SGCD: variants seen among roughly 807,000 people sequenced by gnomAD.
The protein encoded by SGCD is sarcoglycan delta.
Under a neutral mutation model 36.6 loss-of-function variants are expected in SGCD, and 18 were observed. The ratio of observed to expected loss-of-function variants is 0.49; its 90% confidence interval spans 0.34 to 0.73. The LOEUF is 0.73. Among genes scored for constraint, SGCD ranks in the 30% least tolerant of loss-of-function variants. SGCD has a pLI of 0.01. For synonymous variants in SGCD, 133 were observed against 130.6 expected, an observed-to-expected ratio of 1.02 and a Z score of -0.12; for missense variants, 387 against 346.7, an observed-to-expected ratio of 1.12 and a Z score of -0.92.
At chr5:156,419,549 C>T (rs1167634915) in intron 3 of SGCD, among the ~76,000 whole-genome samples, 1 of 152,154 alleles carries the variant, frequency 6.6e-6, no homozygotes, top group African/African-American at 2.4e-5. Context: ...CACCTAGCTG[C>T]TCTTCATGGA....
intron 1 of SGCD, among the ~76,000 whole-genome samples, chr5:155,959,041 A>G (rs1408292930): frequency 6.6e-6 from 1 of 151,974 alleles, no homozygotes; most frequent in Non-Finnish European, 1.5e-5. Flanking sequence ...TCTATGTCTT[A>G]TTTTCTTTCC....
At position 156,648,264 on chromosome 5, in the gene SGCD, C is replaced by CTTTTT. The variant is rs4067498; in HGVS notation, c.575+734_575+738dup. Among the ~76,000 whole-genome samples, 10 of 147,848 alleles carry CTTTTT rather than the reference C, an allele frequency of 6.8e-5. No individual in the cohort carries two copies. The South Asian group carries it at 1.3e-3, about 19-fold the overall frequency. ...CTGTGATGAATTCAGTGAATACTGG[C>CTTTTT]TTTTTTTTTTCATTTCTGGTAGTTC... On this transcript the variant is annotated intron_variant, in intron 7 of 8. Transcript: ENST00000337851.
At chr5:155,753,334 T>TCA in the SGCD span, among the ~76,000 whole-genome samples, 68 of 135,912 alleles carry the variant, frequency 5.0e-4, 7 homozygotes, top group African/African-American at 2.3e-3. Context: ...AGACTTTGTC[T>TCA]AAAAAAAAAA....
the SGCD span, among the ~76,000 whole-genome samples, chr5:155,834,986 C>T: frequency 7.5e-6 from 1 of 133,446 alleles, no homozygotes; most frequent in Admixed American, 7.5e-5. Context: ...AAGGCATGTG[C>T]CACCATGCCC....
At chr5:156,669,098 T>C (rs911589455) in intron 7 of SGCD, among the ~76,000 whole-genome samples, 1 of 152,142 alleles carries the variant, frequency 6.6e-6, no homozygotes, top group Non-Finnish European at 1.5e-5. Context: ...TGAAGGCCTC[T>C]AGAGAGACAT....
At chr5:155,890,492 C>T (rs1224340792) in intron 1 of SGCD, among the ~76,000 whole-genome samples, 2 of 151,858 alleles carry the variant, frequency 1.3e-5, no homozygotes, top group African/African-American at 2.4e-5. Flanking sequence ...AGAAATAGTC[C>T]CAGCTACTTG....
intron 3 of SGCD, among the ~76,000 whole-genome samples, chr5:156,169,218 G>A (rs545212156): frequency 6.6e-5 from 10 of 152,306 alleles, no homozygotes; most frequent in South Asian, 4.1e-4. Context: ...TATAGGAAAC[G>A]AAGGAATTAT....
chr5:156,332,767 A>G (rs1768131661), intron 2 of SGCD, among the ~76,000 whole-genome samples: 1 of 152,194 alleles, frequency 6.6e-6, no homozygotes, highest in African/African-American at 2.4e-5. Flanking sequence ...ATTAAATGTG[A>G]TAGATATCAG....
At chr5:156,080,074 CTG>C (rs1760911178) in intron 1 of SGCD, among the ~76,000 whole-genome samples, 1 of 152,254 alleles carries the variant, frequency 6.6e-6, no homozygotes, top group African/African-American at 2.4e-5. Context: ...TGCTTTCACT[CTG>C]TATGCCTACA....
At chr5:156,725,171 T>C (rs189407415) in intron 7 of SGCD, among the ~76,000 whole-genome samples, 17 of 152,314 alleles carry the variant, frequency 1.1e-4, no homozygotes, top group African/African-American at 2.9e-4. Context: ...CATGGAGACG[T>C]TGATCAACAA....
chr5:156,116,569 A>T (rs1761910287), intron 1 of SGCD, among the ~76,000 whole-genome samples: 1 of 152,150 alleles, frequency 6.6e-6, no homozygotes. Flanking sequence ...AACTTGGAAA[A>T]CATGTTTACA....
chr5:156,556,667 G>C (rs1258438320), intron 4 of SGCD, among the ~76,000 whole-genome samples: 5 of 152,134 alleles, frequency 3.3e-5, no homozygotes, highest in African/African-American at 4.8e-5. Context: ...CATTTCTGTA[G>C]ACTTTTACCA....
intron 1 of SGCD, among the ~76,000 whole-genome samples, chr5:156,097,681 C>T (rs916786875): frequency 6.6e-6 from 1 of 152,098 alleles, no homozygotes; most frequent in Non-Finnish European, 1.5e-5. Context: ...CATATCTTGT[C>T]AGATGATTAA....
intron 3 of SGCD, among the ~76,000 whole-genome samples, chr5:156,431,783 T>A (rs918483763): frequency 2.0e-5 from 3 of 152,166 alleles, no homozygotes; most frequent in African/African-American, 7.2e-5. Context: ...TGGCGTGATC[T>A]CGACTCAGTG....
intron 1 of SGCD, among the ~76,000 whole-genome samples, chr5:155,906,392 A>G (rs928105214): frequency 9.2e-5 from 14 of 152,170 alleles, no homozygotes; most frequent in Admixed American, 5.9e-4. Context: ...CAAAAGCTAG[A>G]AATGAAGCTC....
At chr5:155,844,115 G>A in the SGCD span, among the ~76,000 whole-genome samples, 3 of 150,174 alleles carry the variant, frequency 2.0e-5, no homozygotes, top group Non-Finnish European at 3.0e-5. Context: ...TTCAAAAGGG[G>A]AAAAAAAAAC....
At chr5:155,944,920 AT>A (rs11347528) in intron 1 of SGCD, among the ~76,000 whole-genome samples, 19,504 of 151,486 alleles carry the variant, frequency 0.13, 1,674 homozygotes, top group African/African-American at 0.25. Flanking sequence ...GCAAAAAAAA[AT>A]AATAATAATA....
intron 3 of SGCD, among the ~76,000 whole-genome samples, chr5:156,321,530 C>T (rs1239940010): frequency 1.3e-5 from 2 of 152,186 alleles, no homozygotes; most frequent in African/African-American, 4.8e-5. Flanking sequence ...CCACCTGATA[C>T]TTTAATCTAC....
chr5:156,731,153 A>C (rs1160533033), intron 7 of SGCD, among the ~76,000 whole-genome samples: 2 of 152,126 alleles, frequency 1.3e-5, no homozygotes, highest in African/African-American at 4.8e-5. Context: ...AAACAAATTT[A>C]CAAGAAAAAA....
Sources: allele counts gnomAD v4.1 joint callset (sites outside exome capture counted in the v4.1 genomes callset), GRCh38; gene constraint gnomAD v4.1.1; transcripts MANE v1.5; gene names NCBI Gene and HGNC (gene_info 2026-07-23, HGNC 2026-07-21).